The following CECR2 variants were observed in gnomAD, a reference collection of about 807,000 sequenced individuals.
CECR2 encodes CECR2 histone acetyl-lysine reader.
CECR2 carries 30 observed loss-of-function variants against 154.5 expected under a neutral mutation model. The ratio of observed to expected loss-of-function variants is 0.19; its 90% confidence interval spans 0.15 to 0.26. The LOEUF is 0.26. CECR2 is among the 10% of genes least tolerant of loss of function. CECR2 has a pLI of 1.00. For synonymous variants in CECR2, 725 were observed against 683.7 expected, an observed-to-expected ratio of 1.06 and a Z score of -0.94; for missense variants, 1,743 against 1,829.3, an observed-to-expected ratio of 0.95 and a Z score of 0.86.
intron 1 of CECR2, among the ~76,000 whole-genome samples, chr22:17,431,441 A>T (rs973933541): frequency 6.6e-6 from 1 of 152,204 alleles, no homozygotes; most frequent in African/African-American, 2.4e-5. Flanking sequence ...TGTTCTCAGT[A>T]AATTTATGGT....
chr22:17,410,998 A>C (rs1388020847), intron 1 of CECR2, among the ~76,000 whole-genome samples: 3 of 152,164 alleles, frequency 2.0e-5, no homozygotes, highest in Non-Finnish European at 4.4e-5. Context: ...TGGGATTAGA[A>C]CCGGTAGAGC....
chr22:17,401,623 T>C (rs1192754361), intron 1 of CECR2, among the ~76,000 whole-genome samples: 4 of 152,204 alleles, frequency 2.6e-5, no homozygotes, highest in African/African-American at 9.7e-5. Context: ...GGAGATTCAT[T>C]CATTCTGTAG....
chr22:17,468,518 A>G lies in CECR2; in HGVS notation c.127-9070A>G, dbSNP rs1404540688. ...AACATAGTGAGATCCTGTCTCTACA[A>G]AAGATTTTTTTTTAATTAGCAGAGT... On this transcript the variant is annotated intron_variant, in intron 1 of 18. Transcript: ENST00000262608. Among the ~76,000 whole-genome samples the G allele has an allele frequency of 2.0e-5, 3 of 152,122 alleles. 1 individual carries two copies. The South Asian group carries it at 6.2e-4, about 32-fold the overall frequency.
At chr22:17,384,147 G>A (rs919084897) in intron 1 of CECR2, among the ~76,000 whole-genome samples, 1 of 152,186 alleles carries the variant, frequency 6.6e-6, no homozygotes, top group African/African-American at 2.4e-5. Context: ...TGTTCTTAAT[G>A]GCATCTAGAA....
chr22:17,537,339 G>A lies in CECR2; in HGVS notation c.1238+107G>A, dbSNP rs186161489. The A allele has an allele frequency of 1.5e-5, 20 of 1,340,440 alleles. No homozygotes were observed. In the African/African-American group the frequency reaches 2.5e-4, roughly 16 times the overall value. The allele number at this position is 1,340,440 out of a possible 1,614,324, so 83.0% of individuals were successfully genotyped here. A position where few individuals can be genotyped will look rare whatever the true frequency, so the allele number is the denominator to read the frequency against. On this transcript the variant is annotated intron_variant, in intron 10 of 18. Coordinates refer to ENST00000262608, the MANE Select transcript of CECR2 (RefSeq NM_001290047.2). ...TTAGAACAGCCCTGTTGGGTAACAT[G>A]GTCACCATGTGTGAGTGAACAGGGC...
At chr22:17,480,866 C>A (rs1392852400) in intron 2 of CECR2, among the ~76,000 whole-genome samples, 1 of 151,430 alleles carries the variant, frequency 6.6e-6, no homozygotes, top group East Asian at 1.9e-4. Context: ...GTGATGAAAC[C>A]CGGTCTCTAC....
chr22:17,426,008 A>C lies in CECR2; in HGVS notation c.127-51580A>C, dbSNP rs1285213835. ...TCCTTTTTAACCATATATCAAGCTAAGAGATTAGGAAATAAACCCTCAGGT... is the reference window on the plus strand; with the variant it reads ...TCCTTTTTAACCATATATCAAGCTACGAGATTAGGAAATAAACCCTCAGGT... On this transcript the variant is annotated intron_variant, in intron 1 of 18. Coordinates refer to ENST00000262608, the MANE Select transcript of CECR2 (RefSeq NM_001290047.2). Among the ~76,000 whole-genome samples, 5 of 152,174 alleles carry C rather than the reference A, an allele frequency of 3.3e-5. No individual in the cohort carries two copies. The East Asian group carries it at 7.7e-4, about 23-fold the overall frequency.
chr22:17,493,999 C>T (rs974441105), intron 2 of CECR2, among the ~76,000 whole-genome samples: 4 of 152,188 alleles, frequency 2.6e-5, no homozygotes, highest in Non-Finnish European at 4.4e-5. Flanking sequence ...CGAAAGCATG[C>T]GGTAGATAAA....
At chr22:17,531,714 A>G (rs1487523799) in intron 9 of CECR2, among the ~76,000 whole-genome samples, 1 of 152,236 alleles carries the variant, frequency 6.6e-6, no homozygotes, top group African/African-American at 2.4e-5. Context: ...TACAGAAAGC[A>G]AGAAGAGATA....
intron 1 of CECR2, among the ~76,000 whole-genome samples, chr22:17,426,605 C>T (rs1020505117): frequency 6.6e-6 from 1 of 152,270 alleles, no homozygotes; most frequent in Admixed American, 6.5e-5. Flanking sequence ...GATCCGCCCG[C>T]CTCAGCCTCC....
intron 1 of CECR2, among the ~76,000 whole-genome samples, chr22:17,388,493 G>A (rs888597018): frequency 2.6e-5 from 4 of 152,136 alleles, no homozygotes; most frequent in Admixed American, 6.5e-5. Flanking sequence ...AGGAAAATGC[G>A]GAGGCATTTT....
chr22:17,483,000 A>G (rs2055355739), intron 2 of CECR2, among the ~76,000 whole-genome samples: 1 of 152,116 alleles, frequency 6.6e-6, no homozygotes, highest in African/African-American at 2.4e-5. Flanking sequence ...TTAAAAAGTT[A>G]ACTATAATAT....
At chr22:17,407,983 C>T (rs552190960) in intron 1 of CECR2, among the ~76,000 whole-genome samples, 21 of 152,260 alleles carry the variant, frequency 1.4e-4, no homozygotes, top group African/African-American at 5.1e-4. Flanking sequence ...ATAATCTTGT[C>T]ATCAGTTGTT....
chr22:17,510,241 C>G (rs1338047380), intron 7 of CECR2, among the ~76,000 whole-genome samples: 1 of 152,140 alleles, frequency 6.6e-6, no homozygotes, highest in African/African-American at 2.4e-5. Flanking sequence ...TTGCAACTAT[C>G]ATGGTAAACT....
chr22:17,413,272 CAG>C (rs1027457795), intron 1 of CECR2, among the ~76,000 whole-genome samples: 4 of 152,264 alleles, frequency 2.6e-5, no homozygotes, highest in East Asian at 1.9e-4. Context: ...TGGAGGAAAA[CAG>C]GGCACTGACA....
chr22:17,422,465 A>G (rs1303866816), intron 1 of CECR2, among the ~76,000 whole-genome samples: 1 of 152,174 alleles, frequency 6.6e-6, no homozygotes, highest in African/African-American at 2.4e-5. Flanking sequence ...AGCCTCCCAA[A>G]GTGCTGGGAT....
chr22:17,447,948 T>C (rs1011930600), intron 1 of CECR2, among the ~76,000 whole-genome samples: 1 of 152,078 alleles, frequency 6.6e-6, no homozygotes, highest in East Asian at 1.9e-4. Context: ...ACAGTGCAAA[T>C]AGAGAACAGG....
At chr22:17,444,639 C>T (rs114039759) in intron 1 of CECR2, among the ~76,000 whole-genome samples, 3,262 of 152,078 alleles carry the variant, frequency 0.021, 118 homozygotes, top group African/African-American at 0.075. Context: ...ACTTGAACTA[C>T]CACCATCAAG....
At chr22:17,516,841 G>A (rs1460698201) in intron 8 of CECR2, among the ~76,000 whole-genome samples, 1 of 151,398 alleles carries the variant, frequency 6.6e-6, no homozygotes, top group Non-Finnish European at 1.5e-5. Context: ...TGAAATGCCC[G>A]CCTCGTCCTC....
Sources: gnomAD v4.1 joint callset for allele counts (sites outside exome capture counted in the v4.1 genomes callset) on GRCh38, gnomAD v4.1.1 for gene constraint, MANE v1.5 for transcripts, NCBI Gene and HGNC (gene_info 2026-07-23, HGNC 2026-07-21) for gene names.